SEMA4B: variants seen among roughly 807,000 people sequenced by gnomAD.
SEMA4B encodes the protein semaphorin-4B.
A neutral mutation model predicts 88.1 loss-of-function variants in SEMA4B; 55 were observed. That is an observed-to-expected ratio of 0.62 (90% confidence interval 0.50 to 0.78). The LOEUF is 0.78. Among genes scored for constraint, SEMA4B ranks in the 30% least tolerant of loss-of-function variants. SEMA4B has a pLI of 0.00. For missense variants in SEMA4B, 1,062 were observed against 1,111.9 expected (o/e 0.96, Z 0.64); for synonymous variants, 525 against 473.6 (o/e 1.11, Z -1.41).
chr15:90,197,930 A>AT (rs564036454), upstream of SEMA4B, among the ~76,000 whole-genome samples: 750 of 143,100 alleles, frequency 5.2e-3, 3 homozygotes, highest in African/African-American at 0.015. Context: ...TAATTAATTA[A>AT]TTTTTTTTTT....
intron 11 of SEMA4B, 61 bp from the exon 12 acceptor site, chr15:90,225,600 G>T: frequency 6.5e-7 from 1 of 1,531,054 alleles, no homozygotes; most frequent in Non-Finnish European, 8.8e-7. Flanking sequence ...AAGCCGGGTG[G>T]CCATGGGTGA....
intron 1 of SEMA4B, among the ~76,000 whole-genome samples, chr15:90,202,212 C>T (rs1181096192): frequency 6.6e-6 from 1 of 152,262 alleles, no homozygotes; most frequent in Non-Finnish European, 1.5e-5. Flanking sequence ...CCTCTCCGCC[C>T]CTCCATCCCT....
intron 1 of SEMA4B, among the ~76,000 whole-genome samples, chr15:90,188,851 G>T (rs867125803): frequency 6.6e-6 from 1 of 151,684 alleles, no homozygotes; most frequent in Non-Finnish European, 1.5e-5. Context: ...TGTATTTTTA[G>T]TAGAGACGGG....
intron 1 of SEMA4B, among the ~76,000 whole-genome samples, chr15:90,188,375 C>G (rs933248777): frequency 6.6e-6 from 1 of 152,024 alleles, no homozygotes; most frequent in African/African-American, 2.4e-5. Flanking sequence ...TGCCTGTAAT[C>G]CTAGCATTTT....
At chr15:90,197,659 G>A (rs912943600), upstream of SEMA4B, among the ~76,000 whole-genome samples, 8 of 151,698 alleles carry the variant, frequency 5.3e-5, no homozygotes, top group African/African-American at 1.7e-4. Flanking sequence ...GGATGGTCTC[G>A]AGCTCCTGAC....
rs760526793 is a variant in SEMA4B, at chr15:90,217,724, ACCCTCCATTTTGTCCACTACCTT to A, written c.322-39_322-17del. 15 of 1,606,406 alleles carry A rather than the reference ACCCTCCATTTTGTCCACTACCTT, an allele frequency of 9.3e-6. No individual in the cohort carries two copies. Among genetic ancestry groups the A allele is most frequent in the Non-Finnish European group, 1.3e-5 (15 of 1,173,590 alleles). On this transcript the variant is annotated intron_variant, in intron 2 of 13. Transcript: ENST00000411539. ...ATGGGAGAGGAGGGAGGCTCAGCAA[ACCCTCCATTTTGTCCACTACCTT>A]CCCCTTTCTCATTCCCCAGCTGCTT...
intron 1 of SEMA4B, among the ~76,000 whole-genome samples, chr15:90,210,338 T>G (rs1961203006): frequency 6.6e-6 from 1 of 152,082 alleles, no homozygotes; most frequent in Non-Finnish European, 1.5e-5. Context: ...TGAGGAGATT[T>G]GGGGATCGCC....
chr15:90,217,527 G>C lies in SEMA4B; in HGVS notation c.246G>C (p.Leu82=). 1 of 1,613,990 alleles carries C rather than the reference G, an allele frequency of 6.2e-7. No individual in the cohort carries two copies. The highest frequency in any genetic ancestry group is 8.5e-7 in the Non-Finnish European group (1 of 1,179,896). Residue 82 remains leucine, a synonymous_variant, in exon 2 of 14, where the codon CTG becomes CTC. Transcript: ENST00000411539. The part of the protein sequence containing the change: ...ALLLSRDGRT[L]YVGAREALFA... ...TGCTGAGCAGGGATGGCAGGACCCT[G>C]TACGTGGGTGCTCGAGAGGCCCTCT...
intron 1 of SEMA4B, among the ~76,000 whole-genome samples, chr15:90,194,671 G>A (rs1014545920): frequency 3.9e-5 from 6 of 152,104 alleles, no homozygotes; most frequent in African/African-American, 1.2e-4. Context: ...AAAGTGCTGG[G>A]ATTATAGGTG....
At chr15:90,222,721 C>G (rs1047719757) in intron 7 of SEMA4B, among the ~76,000 whole-genome samples, 1 of 152,076 alleles carries the variant, frequency 6.6e-6, no homozygotes, top group African/African-American at 2.4e-5. Flanking sequence ...GTCCCTCACC[C>G]CCTCGGTTAA....
upstream of SEMA4B, among the ~76,000 whole-genome samples, chr15:90,197,412 G>C (rs34418767): frequency 0.21 from 32,026 of 151,472 alleles, 4,549 homozygotes; most frequent in African/African-American, 0.4. Flanking sequence ...AAAAGTAAAC[G>C]AAGATTTAGG....
chr15:90,188,511 C>G lies in SEMA4B; in HGVS notation c.-122+3430C>G, dbSNP rs145378571. Among the ~76,000 whole-genome samples, 158 of 151,896 alleles carry G rather than the reference C, an allele frequency of 1.0e-3. 1 individual carries two copies. The East Asian group carries it at 0.028, about 27-fold the overall frequency. On this transcript the variant is annotated intron_variant, in intron 1 of 14. Transcript: ENST00000332496. ...GGCATGGTGGCGCATGCCTGTAATC[C>G]CAGCTACCCGGGAGGCTGAAGCAGG... is the stretch of plus-strand genomic sequence containing the variant.
chr15:90,203,421 C>T (rs978004996), intron 1 of SEMA4B, among the ~76,000 whole-genome samples: 1 of 152,156 alleles, frequency 6.6e-6, no homozygotes, highest in Non-Finnish European at 1.5e-5. Flanking sequence ...CACTTATGGC[C>T]TTGGGAAAGC....
rs142790959 is a variant in SEMA4B, at chr15:90,225,553, G to A, written c.1522-108G>A. On this transcript the variant is annotated intron_variant, in intron 11 of 13. Transcript: ENST00000411539. ...ATTAGAAAGTGGGGTCGCCTGTTAC[G>A]TAACAGGCCTCTTGGGGGTGGCTCT... 2.2e-4 allele frequency: 295 copies of A among 1,361,348 alleles called. 1 individual carries two copies. In the African/African-American group the frequency reaches 3.4e-3, roughly 16 times the overall value. The allele number at this position is 1,361,348 out of a possible 1,614,324, so 84.3% of individuals were successfully genotyped here. A position where few individuals can be genotyped will look rare whatever the true frequency, so the allele number is the denominator to read the frequency against.
intron 4 of SEMA4B, among the ~76,000 whole-genome samples, chr15:90,220,399 G>A (rs58704078): frequency 0.055 from 6,679 of 122,376 alleles, 586 homozygotes; most frequent in African/African-American, 0.2. Flanking sequence ...ATGGAGTCTC[G>A]CTCTGTCGCC....
intron 1 of SEMA4B, among the ~76,000 whole-genome samples, chr15:90,203,604 G>T (rs940798402): frequency 7.2e-5 from 11 of 152,214 alleles, no homozygotes; most frequent in Non-Finnish European, 1.3e-4. Flanking sequence ...TACCAATGCA[G>T]CTGCAGGACC....
chr15:90,213,769 C>T (rs1961386651), intron 1 of SEMA4B, among the ~76,000 whole-genome samples: 1 of 152,236 alleles, frequency 6.6e-6, no homozygotes, highest in South Asian at 2.1e-4. Flanking sequence ...TGAACCAGCC[C>T]TTGCTTCCAG....
chr15:90,204,469 G>A (rs1475236992), intron 1 of SEMA4B, among the ~76,000 whole-genome samples: 1 of 152,184 alleles, frequency 6.6e-6, no homozygotes, highest in Non-Finnish European at 1.5e-5. Context: ...GAGCCGATTT[G>A]TGGCCTCGCC....
chr15:90,203,979 T>C (rs1222517840), intron 1 of SEMA4B, among the ~76,000 whole-genome samples: 1 of 149,020 alleles, frequency 6.7e-6, no homozygotes, highest in African/African-American at 2.5e-5. Flanking sequence ...CTCCTGGCCC[T>C]CATACCCACC....
Sources: gnomAD v4.1 joint callset for allele counts (sites outside exome capture counted in the v4.1 genomes callset) on GRCh38, gnomAD v4.1.1 for gene constraint, MANE v1.5 for transcripts, NCBI Gene and HGNC (gene_info 2026-07-23, HGNC 2026-07-21) for gene names.